KMO: variants seen among roughly 807,000 people sequenced by gnomAD.
KMO encodes the protein kynurenine 3-monooxygenase, also known as kynurenine 3-hydroxylase.
In KMO, 24 loss-of-function variants were observed where a neutral mutation model predicts 57.8. That is an observed-to-expected ratio of 0.42 (90% confidence interval 0.30 to 0.58). The LOEUF (loss-of-function observed/expected upper bound fraction) is 0.58, where lower values mean the gene tolerates loss of function less well. Ranked by LOEUF, KMO falls within the 20% of genes least tolerant of loss-of-function variation. The pLI is 0.22. For synonymous variants in KMO, 210 were observed against 193.6 expected (o/e 1.08, Z -0.70); for missense variants, 483 against 588.2 (o/e 0.82, Z 1.85).
intron 1 of KMO, among the ~76,000 whole-genome samples, chr1:241,545,139 T>C (rs1019403095): frequency 1.2e-4 from 18 of 152,176 alleles, no homozygotes; most frequent in African/African-American, 4.1e-4. Flanking sequence ...TCTACCATTA[T>C]TTATACACTG....
intron 1 of KMO, among the ~76,000 whole-genome samples, chr1:241,537,673 T>G (rs114351632): frequency 2.5e-3 from 387 of 152,224 alleles, no homozygotes; most frequent in African/African-American, 9.1e-3. Flanking sequence ...CAGTTCCACG[T>G]GACTGGGGAG....
chr1:241,537,632 A>G (rs778939462), intron 1 of KMO, among the ~76,000 whole-genome samples: 54 of 152,278 alleles, frequency 3.5e-4, no homozygotes, highest in Middle Eastern at 6.8e-3. Context: ...GAGACTGGGC[A>G]ATTTATAAAG....
chr1:241,575,760 A>G (rs1323376861), intron 10 of KMO, among the ~76,000 whole-genome samples: 1 of 152,050 alleles, frequency 6.6e-6, no homozygotes, highest in East Asian at 1.9e-4. Flanking sequence ...CTTGGATAGA[A>G]TGTTCTGTAA....
chr1:241,572,374 G>A (rs1662325080), intron 10 of KMO, among the ~76,000 whole-genome samples: 1 of 151,962 alleles, frequency 6.6e-6, no homozygotes, highest in South Asian at 2.1e-4. Flanking sequence ...GCATGTAGTT[G>A]CTCATAATAG....
In KMO at chr1:241,594,725, T is replaced by C. The variant is rs1316775688; in HGVS notation, c.*2572T>C. ...AGAAAAAATAAAGTGGAATATTAAGTAAAAGTTGGGCACTAATCTGGATTA... is the reference window on the plus strand; with the variant it reads ...AGAAAAAATAAAGTGGAATATTAAGCAAAAGTTGGGCACTAATCTGGATTA... On this transcript the variant is annotated 3_prime_UTR_variant, in exon 15 of 15. Transcript: ENST00000366559. The C allele has an allele frequency of 6.3e-7, 1 of 1,598,166 alleles. No individual in the cohort carries two copies. Among genetic ancestry groups the C allele is most frequent in the African/African-American group, 1.3e-5 (1 of 74,342 alleles).
chr1:241,553,657 C>A (rs1004249846), intron 4 of KMO, among the ~76,000 whole-genome samples: 3 of 152,092 alleles, frequency 2.0e-5, no homozygotes, highest in African/African-American at 7.2e-5. Context: ...CCACTACACT[C>A]CAGCCTGGGG....
Position 241,593,550 on chromosome 1 carries a change from C to T in KMO, c.*1397C>T, listed in dbSNP as rs1006221053. 2 of 247,582 alleles carry T rather than the reference C, an allele frequency of 8.1e-6. No homozygotes were observed. Among genetic ancestry groups the T allele is most frequent in the Non-Finnish European group, 1.8e-5 (2 of 110,166 alleles). The allele number at this position is 247,582 out of a possible 1,614,324, so 15.3% of individuals were successfully genotyped here. On this transcript the variant is annotated 3_prime_UTR_variant, in exon 15 of 15. Coordinates refer to ENST00000366559, the MANE Select transcript of KMO (RefSeq NM_003679.5). The stretch of plus-strand genomic sequence containing the variant: ...TGTAGGGAAAGAAAAAATAATTTTT[C>T]CTTCTACCCACTTTAGGTTCCTTGG...
chr1:241,535,403 T>C (rs1358876172), intron 1 of KMO, among the ~76,000 whole-genome samples: 1 of 152,144 alleles, frequency 6.6e-6, no homozygotes, highest in Non-Finnish European at 1.5e-5. Flanking sequence ...AAAAATATAG[T>C]GAACTTCCCT....
chr1:241,533,665 T>A (rs1386022394), intron 1 of KMO, among the ~76,000 whole-genome samples: 1 of 152,164 alleles, frequency 6.6e-6, no homozygotes, highest in Non-Finnish European at 1.5e-5. Context: ...ACCAATATTG[T>A]TTTAGGTAGT....
intron 11 of KMO, among the ~76,000 whole-genome samples, 176 bp downstream of exon 11, chr1:241,586,912 A>C (rs1252647816): frequency 1.3e-5 from 2 of 152,078 alleles, no homozygotes; most frequent in Non-Finnish European, 2.9e-5. Flanking sequence ...AACAACTAAC[A>C]CCCAGAAAAA....
intron 14 of KMO, among the ~76,000 whole-genome samples, chr1:241,591,214 G>A (rs1189301973): frequency 3.9e-5 from 6 of 152,078 alleles, no homozygotes; most frequent in Non-Finnish European, 5.9e-5. Flanking sequence ...GTAAGTGCGG[G>A]GATAGAAATA....
chr1:241,592,981 C>G lies in KMO; in HGVS notation c.*828C>G, dbSNP rs1265386538. 1 of 160,340 alleles carries G rather than the reference C, an allele frequency of 6.2e-6. No individual in the cohort carries two copies. Among genetic ancestry groups the G allele is most frequent in the Non-Finnish European group, 1.4e-5 (1 of 72,480 alleles). 9.9% of individuals were successfully genotyped at this position (160,340 alleles called of 1,614,324 possible). A position where few individuals can be genotyped will look rare whatever the true frequency, so the allele number is the denominator to read the frequency against. The stretch of plus-strand genomic sequence containing the variant: ...GTAGAGACCGGGTCTTGCCATGCTG[C>G]CCAGGCCAGTCTCAAACTCCTGGCC... On this transcript the variant is annotated 3_prime_UTR_variant, in exon 15 of 15. Coordinates refer to ENST00000366559, the MANE Select transcript of KMO (RefSeq NM_003679.5).
intron 10 of KMO, among the ~76,000 whole-genome samples, chr1:241,572,781 C>T (rs1662352039): frequency 6.6e-6 from 1 of 151,940 alleles, no homozygotes. Context: ...AGTTTTTTGT[C>T]ACTCACTCCC....
intron 1 of KMO, among the ~76,000 whole-genome samples, chr1:241,548,164 C>T (rs939293617): frequency 6.6e-6 from 1 of 151,650 alleles, no homozygotes; most frequent in Non-Finnish European, 1.5e-5. Context: ...GGCACAGTGG[C>T]TCATGCCTAT....
At position 241,593,360 on chromosome 1, in the gene KMO, A is replaced by ACAGG. The variant is rs1184095038; in HGVS notation, c.*1209_*1212dup. The ACAGG allele has an allele frequency of 2.3e-6, 1 of 438,380 alleles. No individual in the cohort carries two copies. The highest frequency in any genetic ancestry group is 2.4e-5 in the Admixed American group (1 of 42,426). 27.2% of individuals were successfully genotyped at this position (438,380 alleles called of 1,614,324 possible). A position where few individuals can be genotyped will look rare whatever the true frequency, so the allele number is the denominator to read the frequency against. On this transcript the variant is annotated 3_prime_UTR_variant, in exon 15 of 15. Coordinates refer to ENST00000366559, the MANE Select transcript of KMO (RefSeq NM_003679.5). ...GTTTTCTTTGGTTCATCCTTCTTTA[A>ACAGG]CAGGCTGCTGAGTCACTCAGAAATC...
At chr1:241,560,448 G>A (rs1185478709) in intron 5 of KMO, among the ~76,000 whole-genome samples, 1 of 152,074 alleles carries the variant, frequency 6.6e-6, no homozygotes, top group Non-Finnish European at 1.5e-5. Flanking sequence ...TTTGAGATGA[G>A]GATAATTGAT....
intron 6 of KMO, among the ~76,000 whole-genome samples, chr1:241,561,219 C>T (rs994845778): frequency 2.1e-4 from 32 of 152,180 alleles, no homozygotes; most frequent in African/African-American, 7.7e-4. Flanking sequence ...GTCCAAGCCT[C>T]TTTCTTCATT....
intron 1 of KMO, among the ~76,000 whole-genome samples, chr1:241,544,160 T>C (rs1254179147): frequency 2.0e-5 from 3 of 152,210 alleles, no homozygotes; most frequent in African/African-American, 7.2e-5. Flanking sequence ...TTAGGCCATT[T>C]CCCTACATTA....
intron 7 of KMO, among the ~76,000 whole-genome samples, chr1:241,562,842 AGAAG>A (rs1162441117): frequency 1.4e-5 from 2 of 146,162 alleles, no homozygotes; most frequent in South Asian, 2.2e-4. Context: ...CTGTCTTGAA[AGAAG>A]GAAGGAAGGA....
Sources: allele counts gnomAD v4.1 joint callset (sites outside exome capture counted in the v4.1 genomes callset), GRCh38; gene constraint gnomAD v4.1.1; transcripts MANE v1.5; gene names NCBI Gene and HGNC (gene_info 2026-07-23, HGNC 2026-07-21).